WWOX: variants seen among roughly 807,000 people sequenced by gnomAD.
The protein encoded by WWOX is WW domain containing oxidoreductase, also known as WW domain-containing oxidoreductase.
In WWOX, 69 loss-of-function variants were observed where a neutral mutation model predicts 46.2. The ratio of observed to expected loss-of-function variants is 1.49; its 90% CI spans 1.23 to 1.82. The LOEUF (loss-of-function observed/expected upper bound fraction) is 1.82, where lower values mean the gene tolerates loss of function less well. Among genes scored for constraint, WWOX ranks in the 40% most tolerant of loss-of-function variants. The probability of loss-of-function intolerance (pLI) is 0.00; values close to 1 mark genes in which losing one functional copy is unlikely to be tolerated. For synonymous variants in WWOX, 359 were observed against 202.6 expected, an observed-to-expected ratio of 1.77 and a Z score of -6.56; for missense variants, 919 against 542.6, an observed-to-expected ratio of 1.69 and a Z score of -6.89.
intron 8 of WWOX, among the ~76,000 whole-genome samples, chr16:79,100,025 T>G (rs565217410): frequency 1.3e-5 from 2 of 152,306 alleles, no homozygotes; most frequent in East Asian, 3.9e-4. Context: ...GAAACAGTTC[T>G]TCTCTTAAAA....
At chr16:78,917,413 C>T (rs1394569) in intron 8 of WWOX, among the ~76,000 whole-genome samples, 1 of 152,254 alleles carries the variant, frequency 6.6e-6, no homozygotes, top group Non-Finnish European at 1.5e-5. Context: ...GAGCCACTGA[C>T]CTGCATTCGT....
intron 6 of WWOX, among the ~76,000 whole-genome samples, chr16:78,396,366 G>C (rs1158149857): frequency 2.0e-5 from 3 of 151,966 alleles, no homozygotes; most frequent in African/African-American, 7.2e-5. Context: ...AGACATAAAT[G>C]AAAATGTGTT....
chr16:78,164,123 C>A, intron 4 of WWOX, 60 bp from the exon 5 acceptor site: 1 of 1,482,466 alleles, frequency 6.7e-7, no homozygotes, highest in South Asian at 1.2e-5. Flanking sequence ...AAAGGCCATT[C>A]AACATGACTC....
At chr16:78,793,361 C>T (rs527616134) in intron 8 of WWOX, among the ~76,000 whole-genome samples, 18 of 152,238 alleles carry the variant, frequency 1.2e-4, no homozygotes, top group African/African-American at 4.3e-4. Context: ...ATGCCAGGCC[C>T]CTGCCTCTGT....
At chr16:78,977,387 G>A (rs944013841) in intron 8 of WWOX, among the ~76,000 whole-genome samples, 2 of 152,146 alleles carry the variant, frequency 1.3e-5, no homozygotes, top group African/African-American at 4.8e-5. Context: ...TATGACCATA[G>A]AAGTTTGTGG....
chr16:78,595,506 A>G lies in WWOX; in HGVS notation c.1056+162754A>G, dbSNP rs554562583. 2.6e-5 allele frequency among the ~76,000 whole-genome samples: 4 copies of G among 152,326 alleles called. No homozygotes were observed. In the South Asian group the frequency reaches 6.2e-4, roughly 24 times the overall value. Reference sequence around the variant, plus strand: ...TACTCACTCATGACTTCACGTGGCTATGTACAAGACCACATCTCTCAATGG... The same window carrying G: ...TACTCACTCATGACTTCACGTGGCTGTGTACAAGACCACATCTCTCAATGG... On this transcript the variant is annotated intron_variant, in intron 8 of 8. Transcript: ENST00000566780.
chr16:78,838,303 G>C (rs1041030071), intron 8 of WWOX, among the ~76,000 whole-genome samples: 1 of 152,166 alleles, frequency 6.6e-6, no homozygotes, highest in Non-Finnish European at 1.5e-5. Flanking sequence ...GCGTTGCAGA[G>C]TGACAGTGAA....
At chr16:79,002,209 C>T (rs1193912778) in intron 8 of WWOX, among the ~76,000 whole-genome samples, 1 of 135,644 alleles carries the variant, frequency 7.4e-6, no homozygotes, top group Non-Finnish European at 1.5e-5. Flanking sequence ...CTTGGGTGTC[C>T]TGCCTTTTTT....
intron 8 of WWOX, among the ~76,000 whole-genome samples, chr16:78,766,168 G>T (rs1007128235): frequency 1.3e-5 from 2 of 152,230 alleles, no homozygotes; most frequent in Non-Finnish European, 2.9e-5. Flanking sequence ...TTTGCCAGGG[G>T]CAGGACATAC....
At chr16:79,167,607 C>G in intron 8 of WWOX, among the ~76,000 whole-genome samples, 1 of 152,186 alleles carries the variant, frequency 6.6e-6, no homozygotes, top group East Asian at 1.9e-4. Context: ...GAAGCGAATG[C>G]CCACAGTGCC....
intron 5 of WWOX, among the ~76,000 whole-genome samples, chr16:78,286,861 A>G (rs2079776399): frequency 6.6e-6 from 1 of 152,298 alleles, no homozygotes; most frequent in East Asian, 1.9e-4. Context: ...TAACCACTCA[A>G]TATATTCATA....
chr16:78,504,930 C>G (rs988726452), intron 8 of WWOX, among the ~76,000 whole-genome samples: 1 of 151,988 alleles, frequency 6.6e-6, no homozygotes, highest in Non-Finnish European at 1.5e-5. Flanking sequence ...GACTGGGAAA[C>G]GTTGCAGGAC....
chr16:78,921,496 A>G (rs2045378826), intron 8 of WWOX, among the ~76,000 whole-genome samples: 1 of 152,178 alleles, frequency 6.6e-6, no homozygotes, highest in South Asian at 2.1e-4. Context: ...AGAGATTGCC[A>G]TTTTCAAAGA....
intron 5 of WWOX, among the ~76,000 whole-genome samples, chr16:78,322,056 T>C (rs2080495188): frequency 6.6e-6 from 1 of 152,132 alleles, no homozygotes; most frequent in Non-Finnish European, 1.5e-5. Flanking sequence ...TGCCTAAATA[T>C]TTGGCTCCTA....
chr16:78,645,339 G>T (rs2046814474), intron 8 of WWOX, among the ~76,000 whole-genome samples: 1 of 152,008 alleles, frequency 6.6e-6, no homozygotes, highest in African/African-American at 2.4e-5. Flanking sequence ...ACCACCCATG[G>T]GTGGCTTACA....
At chr16:78,543,300 C>T (rs955868488) in intron 8 of WWOX, among the ~76,000 whole-genome samples, 1 of 126,284 alleles carries the variant, frequency 7.9e-6, no homozygotes, top group East Asian at 2.9e-4. Context: ...AGGCCAGTCA[C>T]GTGGCCCTGA....
At chr16:78,424,058 T>A (rs1447709809) in intron 6 of WWOX, among the ~76,000 whole-genome samples, 1 of 151,652 alleles carries the variant, frequency 6.6e-6, no homozygotes, top group Non-Finnish European at 1.5e-5. Context: ...GGGTCCTGTG[T>A]CAGTTGTTTT....
At chr16:78,388,114 G>A (rs772350331) in intron 6 of WWOX, among the ~76,000 whole-genome samples, 17 of 152,252 alleles carry the variant, frequency 1.1e-4, no homozygotes, top group East Asian at 1.9e-4. Context: ...TTAATGCAAC[G>A]TCCCACTGTG....
intron 8 of WWOX, among the ~76,000 whole-genome samples, chr16:78,626,333 G>T (rs1186457340): frequency 1.3e-5 from 2 of 152,020 alleles, no homozygotes; most frequent in Non-Finnish European, 2.9e-5. Flanking sequence ...TAATTGTCAG[G>T]TCTCCTTAGC....
Sources: gnomAD v4.1 joint callset for allele counts (sites outside exome capture counted in the v4.1 genomes callset) on GRCh38, gnomAD v4.1.1 for gene constraint, MANE v1.5 for transcripts, NCBI Gene and HGNC (gene_info 2026-07-23, HGNC 2026-07-21) for gene names.